LUZP2: variants seen among roughly 807,000 people sequenced by gnomAD.
LUZP2 encodes the protein leucine zipper protein 2.
Under a neutral mutation model 51.6 loss-of-function variants are expected in LUZP2, and 52 were observed. That is an observed-to-expected ratio of 1.01 (90% confidence interval 0.81 to 1.27). The LOEUF (loss-of-function observed/expected upper bound fraction) is 1.27, where lower values mean the gene tolerates loss of function less well. Among genes scored for constraint, LUZP2 ranks in the 50% most tolerant of loss-of-function variants. The pLI, the probability that LUZP2 is intolerant of heterozygous loss-of-function variation, is 0.00. For missense variants in LUZP2, 436 were observed against 395.4 expected (o/e 1.10, Z -0.87); for synonymous variants, 154 against 137.3 (o/e 1.12, Z -0.85).
At chr11:24,654,460 A>T (rs76160181) in intron 1 of LUZP2, among the ~76,000 whole-genome samples, 3,436 of 151,804 alleles carry the variant, frequency 0.023, 146 homozygotes, top group African/African-American at 0.079. Flanking sequence ...TCTCTGCCCA[A>T]ACTCGAATGC....
intron 1 of LUZP2, among the ~76,000 whole-genome samples, chr11:24,532,734 A>G (rs146736007): frequency 3.3e-5 from 5 of 151,222 alleles, no homozygotes; most frequent in African/African-American, 1.2e-4. Flanking sequence ...TATAGTTTCA[A>G]GATGAATAAT....
chr11:24,886,929 G>T (rs1852683889), intron 5 of LUZP2, among the ~76,000 whole-genome samples: 1 of 152,154 alleles, frequency 6.6e-6, no homozygotes, highest in South Asian at 2.1e-4. Context: ...GGAAAATGAA[G>T]GGGTGCTGAA....
intron 7 of LUZP2, among the ~76,000 whole-genome samples, chr11:24,954,647 G>A (rs1240343953): frequency 6.6e-6 from 1 of 152,026 alleles, no homozygotes; most frequent in Non-Finnish European, 1.5e-5. Flanking sequence ...CTGCTGCATG[G>A]AGACTGCTTA....
At chr11:24,829,369 C>A (rs926529976) in intron 5 of LUZP2, among the ~76,000 whole-genome samples, 1 of 152,132 alleles carries the variant, frequency 6.6e-6, no homozygotes, top group African/African-American at 2.4e-5. Context: ...ACCTCCCCCA[C>A]AGTGCACACA....
chr11:24,708,651 C>A (rs1443035919), intron 1 of LUZP2, among the ~76,000 whole-genome samples: 1 of 152,132 alleles, frequency 6.6e-6, no homozygotes, highest in Non-Finnish European at 1.5e-5. Flanking sequence ...ACCTGGATTT[C>A]TTGGTTCTTC....
chr11:24,576,699 G>T (rs919222693), intron 1 of LUZP2, among the ~76,000 whole-genome samples: 3 of 152,052 alleles, frequency 2.0e-5, no homozygotes, highest in African/African-American at 7.2e-5. Flanking sequence ...ACAGACCAAG[G>T]ATAGTAATTT....
chr11:25,018,857 C>T (rs1044776633), intron 9 of LUZP2, among the ~76,000 whole-genome samples: 1 of 152,138 alleles, frequency 6.6e-6, no homozygotes, highest in Non-Finnish European at 1.5e-5. Context: ...ATCCACCTGC[C>T]TCAGTCGCCC....
chr11:24,634,477 C>T (rs149498010), intron 1 of LUZP2, among the ~76,000 whole-genome samples: 32 of 152,084 alleles, frequency 2.1e-4, no homozygotes, highest in African/African-American at 6.7e-4. Context: ...TGCCAGCTAT[C>T]GATAACACAG....
chr11:24,587,643 A>C (rs1347737772), intron 1 of LUZP2, among the ~76,000 whole-genome samples: 4 of 152,162 alleles, frequency 2.6e-5, no homozygotes, highest in Non-Finnish European at 5.9e-5. Flanking sequence ...GAAAACTCAA[A>C]ACATCTTGTG....
At chr11:24,932,585 G>A (rs570979511) in intron 7 of LUZP2, among the ~76,000 whole-genome samples, 2 of 152,140 alleles carry the variant, frequency 1.3e-5, no homozygotes, top group Non-Finnish European at 2.9e-5. Context: ...GTGGGGAAAA[G>A]TTGGCAGTGA....
chr11:24,580,295 C>T (rs1293407758), intron 1 of LUZP2, among the ~76,000 whole-genome samples: 1 of 151,990 alleles, frequency 6.6e-6, no homozygotes, highest in Non-Finnish European at 1.5e-5. Flanking sequence ...TGTTTAAATC[C>T]TTTCTAATTG....
chr11:24,568,347 C>A (rs1159053665), intron 1 of LUZP2, among the ~76,000 whole-genome samples: 33 of 99,730 alleles, frequency 3.3e-4, no homozygotes, highest in Admixed American at 5.4e-4. Context: ...GAGTGAGAAT[C>A]TGTCTCAGAA....
chr11:24,832,005 A>G (rs1006896449), intron 5 of LUZP2: 4 of 152,594 alleles, frequency 2.6e-5, no homozygotes, highest in African/African-American at 9.6e-5. Flanking sequence ...AATAGTGGAG[A>G]TTTATATTAG....
At chr11:24,866,552 C>A (rs1434959348) in intron 5 of LUZP2, among the ~76,000 whole-genome samples, 1 of 151,842 alleles carries the variant, frequency 6.6e-6, no homozygotes, top group Non-Finnish European at 1.5e-5. Flanking sequence ...AATAGCAATC[C>A]CATTTGAAAA....
At chr11:24,903,569 C>A (rs1481610846) in intron 5 of LUZP2, among the ~76,000 whole-genome samples, 5 of 152,150 alleles carry the variant, frequency 3.3e-5, no homozygotes, top group Non-Finnish European at 7.3e-5. Flanking sequence ...GCTCCTGGTG[C>A]TTATCCAATT....
intron 1 of LUZP2, among the ~76,000 whole-genome samples, chr11:24,585,473 A>G (rs1486830262): frequency 6.6e-6 from 1 of 152,160 alleles, no homozygotes; most frequent in Admixed American, 6.5e-5. Flanking sequence ...GCTTAAACCA[A>G]CAGAAAATAT....
chr11:24,504,449 A>T (rs1245054782), intron 1 of LUZP2, among the ~76,000 whole-genome samples: 1 of 152,180 alleles, frequency 6.6e-6, no homozygotes, highest in Non-Finnish European at 1.5e-5. Context: ...CACATGTTAT[A>T]AGCTCTTTGC....
chr11:24,932,921 C>G (rs887158461), intron 7 of LUZP2, among the ~76,000 whole-genome samples: 3 of 152,174 alleles, frequency 2.0e-5, no homozygotes, highest in Non-Finnish European at 4.4e-5. Context: ...CTCTGGCAGC[C>G]TTCCCCAAGG....
chr11:24,655,550 A>G (rs1182995540), intron 1 of LUZP2, among the ~76,000 whole-genome samples: 46 of 152,224 alleles, frequency 3.0e-4, no homozygotes, highest in Admixed American at 3.0e-3. Context: ...AGGTAATAAC[A>G]TGAAAATTGG....
Sources: gnomAD v4.1 joint callset for allele counts (sites outside exome capture counted in the v4.1 genomes callset) on GRCh38, gnomAD v4.1.1 for gene constraint, MANE v1.5 for transcripts, NCBI Gene and HGNC (gene_info 2026-07-23, HGNC 2026-07-21) for gene names.